AIM2: variants seen among roughly 807,000 people sequenced by gnomAD.
AIM2 encodes the protein interferon-inducible protein AIM2.
In AIM2, 30 loss-of-function variants were observed where a neutral mutation model predicts 27.7. That is an observed-to-expected ratio of 1.08 (90% CI 0.81 to 1.47). The LOEUF is 1.47. Among genes scored for constraint, AIM2 ranks in the 40% most tolerant of loss-of-function variants. The pLI, the probability that AIM2 is intolerant of heterozygous loss-of-function variation, is 0.00. For missense variants in AIM2, 358 were observed against 411.3 expected (o/e 0.87, Z 1.12); for synonymous variants, 141 against 145.3 (o/e 0.97, Z 0.21).
chr1:159,125,179 G>A (rs904634264), intron 1 of AIM2, among the ~76,000 whole-genome samples: 6 of 152,128 alleles, frequency 3.9e-5, no homozygotes, highest in Admixed American at 2.0e-4. Flanking sequence ...ACTAAAAATC[G>A]TGACCATTAT....
intron 1 of AIM2, among the ~76,000 whole-genome samples, chr1:159,113,282 T>C (rs1443150147): frequency 6.6e-6 from 1 of 152,208 alleles, no homozygotes; most frequent in Non-Finnish European, 1.5e-5. Flanking sequence ...TGTCATATCA[T>C]TGTTATCTTT....
upstream of AIM2, among the ~76,000 whole-genome samples, chr1:159,140,998 C>G (rs1338997221): frequency 6.6e-6 from 1 of 152,178 alleles, no homozygotes; most frequent in East Asian, 1.9e-4. Flanking sequence ...TAGTGTGTTG[C>G]TCTGTGGTTT....
chr1:159,110,021 G>A (rs1332484708), intron 1 of AIM2, among the ~76,000 whole-genome samples: 1 of 152,170 alleles, frequency 6.6e-6, no homozygotes, highest in Non-Finnish European at 1.5e-5. Flanking sequence ...AGAACTAAAA[G>A]TAGAACTATC....
chr1:159,085,145 T>C lies in AIM2; in HGVS notation c.-15-18816A>G, dbSNP rs77496601. ...CCGCATCAGCAAGATGGAAACTCCATGGAGAGCCAGGTTCTCATGTTGATG... is the reference window on the plus strand; with the variant it reads ...CCGCATCAGCAAGATGGAAACTCCACGGAGAGCCAGGTTCTCATGTTGATG... On this transcript the variant is annotated intron_variant, in intron 1 of 2. Transcript: ENST00000368129. Among the ~76,000 whole-genome samples, 598 of 152,216 alleles carry C rather than the reference T, an allele frequency of 3.9e-3. 2 individuals are homozygous for C. The highest frequency in any genetic ancestry group is 6.6e-3 in the Non-Finnish European group (452 of 68,010).
chr1:159,144,285 CCAA>C (rs1648165796), upstream of AIM2, among the ~76,000 whole-genome samples: 1 of 152,146 alleles, frequency 6.6e-6, no homozygotes, highest in Non-Finnish European at 1.5e-5. Flanking sequence ...ATGCCCCCCA[CCAA>C]CAAGTGTCTC....
At chr1:159,117,774 G>GACAC (rs974276158) in intron 1 of AIM2, among the ~76,000 whole-genome samples, 2 of 151,348 alleles carry the variant, frequency 1.3e-5, no homozygotes, top group African/African-American at 4.9e-5. Context: ...CACACACAAA[G>GACAC]ACACACACAC....
chr1:159,111,486 A>C (rs1169638837), intron 1 of AIM2, among the ~76,000 whole-genome samples: 1 of 152,242 alleles, frequency 6.6e-6, no homozygotes, highest in Non-Finnish European at 1.5e-5. Flanking sequence ...AGAGAGAAAG[A>C]GAACTTGCTC....
chr1:159,056,079 C>T, the AIM2 span, among the ~76,000 whole-genome samples: 1 of 152,138 alleles, frequency 6.6e-6, no homozygotes, highest in African/African-American at 2.4e-5. Flanking sequence ...TTCAGCTAAA[C>T]ATGGGAATCC....
intron 1 of AIM2, among the ~76,000 whole-genome samples, chr1:159,097,702 G>A (rs141198176): frequency 3.9e-5 from 6 of 152,218 alleles, no homozygotes; most frequent in African/African-American, 1.4e-4. Flanking sequence ...GATAATAGTA[G>A]TACCTATTTA....
intron 1 of AIM2, among the ~76,000 whole-genome samples, chr1:159,088,355 G>A (rs1415971776): frequency 6.6e-6 from 1 of 152,158 alleles, no homozygotes; most frequent in Non-Finnish European, 1.5e-5. Flanking sequence ...GGATTCAGGA[G>A]CTGCATGAGT....
At chr1:159,135,008 T>C (rs1647987514) in intron 1 of AIM2, among the ~76,000 whole-genome samples, 1 of 152,200 alleles carries the variant, frequency 6.6e-6, no homozygotes, top group Non-Finnish European at 1.5e-5. Context: ...TCCTTGATCT[T>C]CCTGAAGAGG....
Position 159,063,494 on chromosome 1 carries a change from T to C in AIM2, c.997A>G (p.Thr333Ala). 1 of 1,612,794 alleles carries C rather than the reference T, an allele frequency of 6.2e-7. No homozygotes were observed. Among genetic ancestry groups the C allele is most frequent in the South Asian group, 1.1e-5 (1 of 90,772 alleles). Residue 333 changes from threonine to alanine, a missense_variant, in exon 5 of 6, where the codon ACC becomes GCC. Physicochemically the swap from Thr to Ala is moderately conservative, Grantham distance 58. Coordinates refer to ENST00000368130, the MANE Select transcript of AIM2 (RefSeq NM_004833.3). ...KLQLTSGVHS[T>A]IKVIKAKKKT is the part of the protein sequence containing the mutation. ...TTCCATGCAGTTCCCACCTTTATGG[T>C]GCTATGAACTCCAGATGTCAGCTGT...
At chr1:159,066,503 CAG>C (rs1443225858) in intron 3 of AIM2, among the ~76,000 whole-genome samples, 174 bp from the exon 4 acceptor site, 1 of 152,188 alleles carries the variant, frequency 6.6e-6, no homozygotes, top group African/African-American at 2.4e-5. Flanking sequence ...CCAGATAGAA[CAG>C]AGAGTGCAGA....
At chr1:159,131,605 A>AGCAGAT (rs1408334662) in intron 1 of AIM2, among the ~76,000 whole-genome samples, 2 of 152,232 alleles carry the variant, frequency 1.3e-5, no homozygotes, top group African/African-American at 4.8e-5. Flanking sequence ...AATAATTTGT[A>AGCAGAT]GCAGATTAGA....
chr1:159,095,319 GA>G (rs991320532), intron 1 of AIM2, among the ~76,000 whole-genome samples: 17 of 151,018 alleles, frequency 1.1e-4, no homozygotes, highest in African/African-American at 4.8e-5. Flanking sequence ...CCCCGAGGCA[GA>G]AAAAAAAATA....
At chr1:159,078,147 A>G (rs1656678816), upstream of AIM2, among the ~76,000 whole-genome samples, 1 of 152,298 alleles carries the variant, frequency 6.6e-6, no homozygotes. Context: ...TCTGACCAGC[A>G]TGTTCTCTAC....
chr1:159,139,494 T>G (rs1648071151), intron 1 of AIM2, among the ~76,000 whole-genome samples: 1 of 152,220 alleles, frequency 6.6e-6, no homozygotes, highest in South Asian at 2.1e-4. Context: ...TTTTCATCCA[T>G]TTTTTACACT....
intron 1 of AIM2, among the ~76,000 whole-genome samples, chr1:159,131,825 T>C (rs570551542): frequency 2.4e-4 from 36 of 152,296 alleles, no homozygotes; most frequent in African/African-American, 8.4e-4. Flanking sequence ...GTATTTCAGA[T>C]AAAAGTCTGA....
chr1:159,073,205 A>C, intron 2 of AIM2, 33 bp downstream of exon 2: 1 of 1,609,758 alleles, frequency 6.2e-7, no homozygotes, highest in Non-Finnish European at 8.5e-7. Flanking sequence ...TGGCAGAAAA[A>C]GGGACGGGGC....
Sources: allele counts gnomAD v4.1 joint callset (sites outside exome capture counted in the v4.1 genomes callset), GRCh38; gene constraint gnomAD v4.1.1; transcripts MANE v1.5; gene names NCBI Gene and HGNC (gene_info 2026-07-23, HGNC 2026-07-21).